The following SLC35F1 variants were observed in gnomAD, a reference collection of about 807,000 sequenced individuals.
SLC35F1 encodes solute carrier family 35 member F1.
In SLC35F1, 14 loss-of-function variants were observed where a neutral mutation model predicts 48.7. The ratio of observed to expected loss-of-function variants is 0.29; its 90% CI spans 0.19 to 0.45. The LOEUF (loss-of-function observed/expected upper bound fraction) is 0.45. Ranked by LOEUF, SLC35F1 falls within the 20% of genes least tolerant of loss-of-function variation. The pLI is 1.00. For synonymous variants in SLC35F1, 190 were observed against 202.2 expected (o/e 0.94, Z 0.51); for missense variants, 404 against 500.0 (o/e 0.81, Z 1.83).
At chr6:117,996,868 TC>T (rs1777000006) in intron 1 of SLC35F1, among the ~76,000 whole-genome samples, 1 of 152,194 alleles carries the variant, frequency 6.6e-6, no homozygotes, top group East Asian at 1.9e-4. Flanking sequence ...GCAGAGTGCC[TC>T]TCCTCCTCCA....
chr6:118,308,444 C>T (rs1776337050), intron 7 of SLC35F1, among the ~76,000 whole-genome samples: 1 of 152,154 alleles, frequency 6.6e-6, no homozygotes, highest in African/African-American at 2.4e-5. Flanking sequence ...TGGAAATTCT[C>T]CCTACTAGCT....
At position 118,075,359 on chromosome 6, in the gene SLC35F1, G is replaced by A. The variant is rs535541717; in HGVS notation, c.174-79086G>A. Among the ~76,000 whole-genome samples, 215 of 152,288 alleles carry A rather than the reference G, an allele frequency of 1.4e-3. 1 individual carries two copies. The highest frequency in any genetic ancestry group is 4.6e-3 in the African/African-American group (190 of 41,554). On this transcript the variant is annotated intron_variant, in intron 1 of 7. Transcript: ENST00000360388. The stretch of plus-strand genomic sequence containing the variant: ...ATAAATGGAAACTAGTGTTATTTCC[G>A]AAAGCAAACCTGTTATGAATTTTAT...
At chr6:118,249,388 GCA>G (rs1330711607) in intron 3 of SLC35F1, among the ~76,000 whole-genome samples, 2 of 152,356 alleles carry the variant, frequency 1.3e-5, no homozygotes, top group African/African-American at 4.8e-5. Context: ...TCCTTGGAGA[GCA>G]CCCTGGTGCT....
chr6:118,274,270 G>C (rs1220276998), intron 4 of SLC35F1, among the ~76,000 whole-genome samples: 4 of 152,182 alleles, frequency 2.6e-5, no homozygotes, highest in African/African-American at 7.2e-5. Flanking sequence ...CACTCTAGCT[G>C]CTTATTTCTG....
At chr6:118,060,112 A>G (rs1371281371) in intron 1 of SLC35F1, among the ~76,000 whole-genome samples, 4 of 152,304 alleles carry the variant, frequency 2.6e-5, no homozygotes, top group East Asian at 1.9e-4. Context: ...TTAGCACCAG[A>G]CTTGAGGTTT....
Position 118,266,998 on chromosome 6 carries a change from C to A in SLC35F1, c.481C>A (p.Leu161Met). ...QYTTLTSIQL[L>M]DCFVIPVVIL... is the part of the protein sequence containing the mutation. ...TTACCTTCATCCCTCCCAATAGCTC[C>A]TGGACTGTTTTGTGATCCCAGTCGT... The change falls in exon 4 of 8, where the codon CTG becomes ATG. Residue 161 changes from leucine (L) to methionine (M), a missense_variant. This residue lies in a region of SLC35F1 where 306 missense variants were observed against 419.1 expected (regional missense o/e 0.73). Coordinates refer to ENST00000360388, the MANE Select transcript of SLC35F1 (RefSeq NM_001029858.4). The A allele has an allele frequency of 6.2e-7, 1 of 1,613,900 alleles. No individual in the cohort carries two copies. Among genetic ancestry groups the A allele is most frequent in the Non-Finnish European group, 8.5e-7 (1 of 1,179,854 alleles).
chr6:118,270,345 G>C (rs1775835176), intron 4 of SLC35F1, among the ~76,000 whole-genome samples: 1 of 152,152 alleles, frequency 6.6e-6, no homozygotes, highest in Non-Finnish European at 1.5e-5. Context: ...CAAAATATAA[G>C]TTTAAGGGCA....
At chr6:117,993,447 T>C (rs956233627) in intron 1 of SLC35F1, among the ~76,000 whole-genome samples, 30 of 152,304 alleles carry the variant, frequency 2.0e-4, no homozygotes, top group African/African-American at 7.0e-4. Flanking sequence ...ATTGTAAATA[T>C]TCGTTCATTT....
intron 2 of SLC35F1, among the ~76,000 whole-genome samples, chr6:118,215,390 G>T (rs567694782): frequency 6.6e-6 from 1 of 152,234 alleles, no homozygotes; most frequent in South Asian, 2.1e-4. Flanking sequence ...GAAAGATCAA[G>T]AAGTGCTTTT....
At chr6:118,268,210 A>G (rs573779727) in intron 4 of SLC35F1, among the ~76,000 whole-genome samples, 2 of 152,328 alleles carry the variant, frequency 1.3e-5, no homozygotes, top group South Asian at 4.1e-4. Flanking sequence ...CCAAAGTCAC[A>G]GAGCTGACAA....
intron 1 of SLC35F1, among the ~76,000 whole-genome samples, chr6:118,132,233 G>C (rs1369200154): frequency 1.3e-5 from 2 of 152,160 alleles, no homozygotes; most frequent in Admixed American, 6.6e-5. Flanking sequence ...TAACAATGGA[G>C]ACTTAGTGAG....
intron 1 of SLC35F1, among the ~76,000 whole-genome samples, chr6:118,070,902 CTATA>C (rs71707789): frequency 0.96 from 123,771 of 129,590 alleles, 59,196 homozygotes; most frequent in Middle Eastern, 0.99. Context: ...AATATATATA[CTATA>C]TATATATACA....
At chr6:118,306,725 A>G (rs561389794) in intron 7 of SLC35F1, among the ~76,000 whole-genome samples, 1 of 152,184 alleles carries the variant, frequency 6.6e-6, no homozygotes, top group Non-Finnish European at 1.5e-5. Flanking sequence ...CTTGGCTATT[A>G]CGGCCTCTCT....
At chr6:117,949,870 G>A (rs1163636533) in intron 1 of SLC35F1, among the ~76,000 whole-genome samples, 2 of 152,076 alleles carry the variant, frequency 1.3e-5, no homozygotes, top group East Asian at 3.9e-4. Context: ...CTGGGTTGGG[G>A]GGTGGTCTAC....
chr6:117,986,252 G>A (rs753859812), intron 1 of SLC35F1, among the ~76,000 whole-genome samples: 18 of 152,136 alleles, frequency 1.2e-4, no homozygotes, highest in Non-Finnish European at 1.8e-4. Context: ...CTGTGGCCAG[G>A]GATATAGCTC....
chr6:118,149,772 A>C (rs1774028318), intron 1 of SLC35F1, among the ~76,000 whole-genome samples: 1 of 152,202 alleles, frequency 6.6e-6, no homozygotes, highest in South Asian at 2.1e-4. Flanking sequence ...AGCAGACTTG[A>C]TGTTTTGTTT....
chr6:117,970,838 G>A (rs1776628508), intron 1 of SLC35F1, among the ~76,000 whole-genome samples: 1 of 152,004 alleles, frequency 6.6e-6, no homozygotes, highest in African/African-American at 2.4e-5. Context: ...GTTCCTACTG[G>A]GTCCCTTTCA....
chr6:118,180,583 G>C (rs1012324322), intron 2 of SLC35F1, among the ~76,000 whole-genome samples: 5 of 151,938 alleles, frequency 3.3e-5, no homozygotes, highest in African/African-American at 1.2e-4. Context: ...CCAATATAGA[G>C]ATAAAACAAC....
chr6:118,035,450 A>AG (rs1772112366), intron 1 of SLC35F1, among the ~76,000 whole-genome samples: 1 of 151,060 alleles, frequency 6.6e-6, no homozygotes, highest in Admixed American at 6.6e-5. Context: ...CTACTAAAAA[A>AG]AAAAACCCAA....
Sources: gnomAD v4.1 joint callset for allele counts (sites outside exome capture counted in the v4.1 genomes callset) on GRCh38, gnomAD v4.1.1 for gene constraint, gnomAD v4.1.1 regional missense constraint, MANE v1.5 for transcripts, NCBI Gene and HGNC (gene_info 2026-07-23, HGNC 2026-07-21) for gene names.